GRM1: variants seen among roughly 807,000 people sequenced by gnomAD.
GRM1 encodes metabotropic glutamate receptor 1.
In GRM1, 33 loss-of-function variants were observed where a neutral mutation model predicts 90.9. The ratio of observed to expected loss-of-function variants is 0.36; its 90% CI spans 0.28 to 0.49. The LOEUF is 0.49. Among genes scored for constraint, GRM1 ranks in the 20% least tolerant of loss-of-function variants. The pLI is 0.99. For missense variants in GRM1, 1,190 were observed against 1,534.3 expected (o/e 0.78, Z 3.75); for synonymous variants, 700 against 613.2 (o/e 1.14, Z -2.09).
At chr6:146,377,493 T>C (rs1776146349) in intron 5 of GRM1, among the ~76,000 whole-genome samples, 1 of 152,112 alleles carries the variant, frequency 6.6e-6, no homozygotes, top group African/African-American at 2.4e-5. Flanking sequence ...ACATTGAATT[T>C]GAGAGAGACA....
chr6:146,249,879 G>A (rs1401685502), intron 2 of GRM1, among the ~76,000 whole-genome samples: 3 of 152,200 alleles, frequency 2.0e-5, no homozygotes, highest in African/African-American at 7.2e-5. Context: ...CACAGGGGTG[G>A]AACATCCCAA....
intron 3 of GRM1, among the ~76,000 whole-genome samples, chr6:146,312,682 T>C (rs362962): frequency 0.38 from 57,530 of 152,138 alleles, 15,014 homozygotes; most frequent in African/African-American, 0.75. Flanking sequence ...CTGTGTTCTA[T>C]TTTCCTAACT....
intron 2 of GRM1, among the ~76,000 whole-genome samples, chr6:146,220,445 G>A (rs1780022419): frequency 6.6e-6 from 1 of 152,056 alleles, no homozygotes; most frequent in Admixed American, 6.6e-5. Context: ...CCACCTATGT[G>A]CAAGAGTGTG....
intron 1 of GRM1, among the ~76,000 whole-genome samples, chr6:146,113,118 A>G (rs1293821426): frequency 2.0e-5 from 3 of 152,206 alleles, no homozygotes; most frequent in Non-Finnish European, 2.9e-5. Flanking sequence ...TTCCTTTGAT[A>G]TACTCAGTCT....
At chr6:146,337,744 T>A (rs1256253974) in intron 3 of GRM1, among the ~76,000 whole-genome samples, 2 of 152,170 alleles carry the variant, frequency 1.3e-5, no homozygotes. Flanking sequence ...GTGAAAAAAT[T>A]ATAACGACTT....
Position 146,399,508 on chromosome 6 carries a change from A to G in GRM1, c.2469A>G (p.Val823=). The G allele has an allele frequency of 6.2e-7, 1 of 1,614,160 alleles. No individual in the cohort carries two copies. The highest frequency in any genetic ancestry group is 8.5e-7 in the Non-Finnish European group (1 of 1,179,998). ...ITTCFAVSLS[V]TVALGCMFTP... The stretch of plus-strand genomic sequence containing the variant: ...CTTGCTTTGCAGTGAGTCTCAGTGT[A>G]ACAGTGGCTCTGGGGTGCATGTTCA... Residue 823 remains valine (V), a synonymous_variant, in exon 7 of 8, where the codon GTA becomes GTG. Transcript: ENST00000282753. The surrounding 1 kb of genome is among the most constrained non-coding windows in gnomAD (Gnocchi z 5.4).
At chr6:146,423,910 G>T (rs1424547898) in intron 7 of GRM1, among the ~76,000 whole-genome samples, 1 of 152,182 alleles carries the variant, frequency 6.6e-6, no homozygotes, top group African/African-American at 2.4e-5. Context: ...AGCTTCTCTT[G>T]ATCTGTCATG....
intron 2 of GRM1, among the ~76,000 whole-genome samples, chr6:146,191,783 T>C (rs1778941872): frequency 1.3e-5 from 2 of 152,228 alleles, no homozygotes; most frequent in Admixed American, 1.3e-4. Context: ...TTCCTTTCTT[T>C]CATGCTGACA....
intron 2 of GRM1, among the ~76,000 whole-genome samples, chr6:146,240,982 G>C (rs1413794104): frequency 6.6e-6 from 1 of 152,050 alleles, no homozygotes; most frequent in Non-Finnish European, 1.5e-5. Flanking sequence ...CCCCTTTGTT[G>C]GAGTAGATTC....
At chr6:146,115,670 G>C (rs1775716493) in intron 1 of GRM1, among the ~76,000 whole-genome samples, 1 of 152,004 alleles carries the variant, frequency 6.6e-6, no homozygotes, top group African/African-American at 2.4e-5. Flanking sequence ...TTTATTTCTA[G>C]GAGTTACAAA....
At chr6:146,290,608 G>A (rs1583281769) in intron 2 of GRM1, among the ~76,000 whole-genome samples, 2 of 152,208 alleles carry the variant, frequency 1.3e-5, no homozygotes, top group South Asian at 2.1e-4. Flanking sequence ...AATTGCTTGC[G>A]ATTGGTGACT....
At chr6:146,056,323 A>G (rs1775478584) in intron 1 of GRM1, among the ~76,000 whole-genome samples, 2 of 152,132 alleles carry the variant, frequency 1.3e-5, no homozygotes, top group South Asian at 4.1e-4. Context: ...AACTGTGGTC[A>G]TGGGAGAAGG....
chr6:146,421,447 C>A (rs1277130957), intron 7 of GRM1, among the ~76,000 whole-genome samples: 3 of 151,966 alleles, frequency 2.0e-5, no homozygotes, highest in Admixed American at 6.6e-5. Context: ...TAAACACTAT[C>A]ATGTATTATT....
intron 7 of GRM1, among the ~76,000 whole-genome samples, chr6:146,428,898 CCAGA>C (rs1778309151): frequency 6.6e-6 from 1 of 152,072 alleles, no homozygotes; most frequent in Non-Finnish European, 1.5e-5. Flanking sequence ...GAGCCTCTAC[CCAGA>C]CAAACTTTAT....
rs1008749535 is a variant in GRM1 at position 146,168,588 on chromosome 6, A to AT, written c.950+8999dup. ...ATTAATCCATATTTTCATTTGGATT[A>AT]TTTTTTTTCTGCCTAAAGAATTTCG... On this transcript the variant is annotated intron_variant, in intron 2 of 7. Coordinates refer to ENST00000282753, the MANE Select transcript of GRM1 (RefSeq NM_001278064.2). Among the ~76,000 whole-genome samples, 5 of 151,862 alleles carry AT rather than the reference A, an allele frequency of 3.3e-5. No homozygotes were observed. The East Asian group carries it at 9.7e-4, about 29-fold the overall frequency.
chr6:146,064,434 C>A (rs1008474349), intron 1 of GRM1, among the ~76,000 whole-genome samples: 3 of 152,042 alleles, frequency 2.0e-5, no homozygotes, highest in Non-Finnish European at 4.4e-5. Context: ...ATACTAAACC[C>A]TGCAATTCTG....
chr6:146,175,887 C>T (rs190117465), intron 2 of GRM1, among the ~76,000 whole-genome samples: 11 of 152,216 alleles, frequency 7.2e-5, no homozygotes, highest in East Asian at 1.9e-4. Flanking sequence ...CAATAATACT[C>T]GGGTTGTCTA....
At chr6:146,095,323 A>T (rs1179250804) in intron 1 of GRM1, among the ~76,000 whole-genome samples, 2 of 152,100 alleles carry the variant, frequency 1.3e-5, no homozygotes, top group African/African-American at 4.8e-5. Flanking sequence ...TGATCACTTT[A>T]AGGCAGGGGG....
At chr6:146,134,850 GA>G (rs1022533523) in intron 1 of GRM1, among the ~76,000 whole-genome samples, 2 of 152,134 alleles carry the variant, frequency 1.3e-5, no homozygotes, top group African/African-American at 4.8e-5. Context: ...AGAATGGCGG[GA>G]ACCCGGGAGG....
Sources: allele counts gnomAD v4.1 joint callset (sites outside exome capture counted in the v4.1 genomes callset), GRCh38; gene constraint gnomAD v4.1.1; non-coding constraint Gnocchi (gnomAD v3.1); transcripts MANE v1.5; gene names NCBI Gene and HGNC (gene_info 2026-07-23, HGNC 2026-07-21).